FAT3: variants seen among roughly 807,000 people sequenced by gnomAD.
FAT3 encodes the protein FAT atypical cadherin 3.
A neutral mutation model predicts 310.2 loss-of-function variants in FAT3; 95 were observed. The observed-to-expected ratio is 0.31, with a 90% confidence interval of 0.26 to 0.36. The LOEUF (loss-of-function observed/expected upper bound fraction) is 0.36. Ranked by LOEUF, FAT3 falls within the 10% of genes least tolerant of loss-of-function variation. The pLI is 1.00. For synonymous variants in FAT3, 2,314 were observed against 2,192.9 expected, an observed-to-expected ratio of 1.06 and a Z score of -1.54; for missense variants, 5,408 against 5,715.6, an observed-to-expected ratio of 0.95 and a Z score of 1.74.
intron 2 of FAT3, among the ~76,000 whole-genome samples, chr11:92,357,482 C>A (rs941139661): frequency 1.3e-5 from 2 of 152,132 alleles, no homozygotes; most frequent in African/African-American, 4.8e-5. Context: ...ATCCTTGCAA[C>A]CCTGGACTTA....
At chr11:92,794,945 C>A (rs981343753) in intron 9 of FAT3, among the ~76,000 whole-genome samples, 2 of 152,172 alleles carry the variant, frequency 1.3e-5, no homozygotes, top group Non-Finnish European at 2.9e-5. Flanking sequence ...AAGCAAATGA[C>A]AAATGGCTGT....
intron 2 of FAT3, chr11:92,403,477 G>C (rs763135188): frequency 6.6e-6 from 1 of 152,204 alleles, no homozygotes; most frequent in East Asian, 1.9e-4. Flanking sequence ...GTGATTAAGT[G>C]CCAGGTGGAT....
chr11:92,376,329 C>T (rs1369576493), intron 2 of FAT3, among the ~76,000 whole-genome samples: 1 of 152,148 alleles, frequency 6.6e-6, no homozygotes, highest in Non-Finnish European at 1.5e-5. Flanking sequence ...AGTTTCTAGC[C>T]TTTTAGTAAA....
chr11:92,538,802 T>G (rs572059332), intron 3 of FAT3, among the ~76,000 whole-genome samples: 1 of 152,268 alleles, frequency 6.6e-6, no homozygotes, highest in East Asian at 1.9e-4. Flanking sequence ...TAAATAATAT[T>G]AAGGTTCTTA....
intron 2 of FAT3, among the ~76,000 whole-genome samples, chr11:92,420,468 T>G (rs1037358946): frequency 2.6e-5 from 4 of 152,138 alleles, no homozygotes; most frequent in Non-Finnish European, 5.9e-5. Context: ...CCCCTCTTCT[T>G]GTCTCCCACT....
chr11:92,288,252 A>G (rs945591679), intron 1 of FAT3, among the ~76,000 whole-genome samples: 2 of 152,178 alleles, frequency 1.3e-5, no homozygotes, highest in Non-Finnish European at 2.9e-5. Context: ...AGCCAAATTT[A>G]TACAATCAGT....
chr11:92,816,307 T>C (rs1202486002), intron 13 of FAT3, among the ~76,000 whole-genome samples: 1 of 152,216 alleles, frequency 6.6e-6, no homozygotes, highest in Non-Finnish European at 1.5e-5. Context: ...GTCTATCTAG[T>C]GACTCAGAAA....
At chr11:92,535,287 T>C (rs674371) in intron 3 of FAT3, among the ~76,000 whole-genome samples, 61,893 of 151,932 alleles carry the variant, frequency 0.41, 13,049 homozygotes, top group Middle Eastern at 0.53. Flanking sequence ...ATTCCAAGGA[T>C]TGCCAGAAGC....
intron 3 of FAT3, among the ~76,000 whole-genome samples, chr11:92,676,142 T>C (rs929584222): frequency 2.0e-5 from 3 of 152,142 alleles, no homozygotes; most frequent in Admixed American, 2.0e-4. Flanking sequence ...ACAATAATTG[T>C]TGTTACGTCT....
intron 4 of FAT3, among the ~76,000 whole-genome samples, chr11:92,725,770 C>T (rs1439224888): frequency 6.6e-6 from 1 of 152,128 alleles, no homozygotes; most frequent in Admixed American, 6.5e-5. Flanking sequence ...TTGAATTAGA[C>T]ATCCCTTTCT....
rs998330767 is a variant in FAT3, at chr11:92,256,181, G to A, written c.-18+31007G>A. ...CTTTTATTGTTTCTCTTTGATTTAGGATCTATCTTTTGGCACAGTAAATAG... is the reference window on the plus strand; with the variant it reads ...CTTTTATTGTTTCTCTTTGATTTAGAATCTATCTTTTGGCACAGTAAATAG... On this transcript the variant is annotated intron_variant, in intron 1 of 27. Coordinates refer to ENST00000525166, the MANE Select transcript of FAT3 (RefSeq NM_001367949.2). Among the ~76,000 whole-genome samples, 13 of 151,704 alleles carry A rather than the reference G, an allele frequency of 8.6e-5. 1 individual carries two copies. The highest frequency in any genetic ancestry group is 3.1e-4 in the African/African-American group (13 of 41,362).
At chr11:92,778,092 A>G (rs1262686310) in intron 7 of FAT3, among the ~76,000 whole-genome samples, 2 of 152,118 alleles carry the variant, frequency 1.3e-5, no homozygotes, top group Non-Finnish European at 1.5e-5. Flanking sequence ...AGTGCAAGAC[A>G]GTGCCTTAAG....
intron 1 of FAT3, among the ~76,000 whole-genome samples, chr11:92,308,421 A>G (rs544445749): frequency 3.7e-4 from 57 of 152,296 alleles, no homozygotes; most frequent in South Asian, 2.5e-3. Flanking sequence ...ATGTTGTTTT[A>G]TCTCTGGGCT....
In FAT3 at chr11:92,798,543, A is replaced by G. The variant is rs1947238611; in HGVS notation, c.5530A>G (p.Ile1844Val). ...RTIANLDHET[I>V]AHFHFHVHVR... ...AATTGCCAACCTGGACCATGAAACC[A>G]TTGCCCATTTCCATTTTCATGTGCA... Residue 1844 changes from isoleucine to valine, a missense_variant, in exon 10 of 28, where the codon ATT (isoleucine) becomes GTT (valine). By Grantham distance (29) the Ile-to-Val change is conservative. Transcript: ENST00000525166. 8.7e-6 allele frequency: 14 copies of G among 1,613,740 alleles called. No individual in the cohort carries two copies. Among genetic ancestry groups the G allele is most frequent in the Non-Finnish European group, 1.1e-5 (13 of 1,179,742 alleles).
intron 9 of FAT3, among the ~76,000 whole-genome samples, chr11:92,795,585 A>C (rs1332842801): frequency 6.6e-6 from 1 of 151,946 alleles, no homozygotes; most frequent in African/African-American, 2.4e-5. Context: ...TGTCACAAGC[A>C]GATCAGCGGC....
intron 14 of FAT3, 40 bp from the exon 15 acceptor site, chr11:92,834,830 T>C: frequency 6.7e-7 from 1 of 1,502,790 alleles, no homozygotes; most frequent in East Asian, 2.4e-5. Flanking sequence ...ACCAGTGTTT[T>C]TTCCTAATGA....
At chr11:92,545,356 T>C (rs3911565) in intron 3 of FAT3, among the ~76,000 whole-genome samples, 23,033 of 152,194 alleles carry the variant, frequency 0.15, 1,939 homozygotes, top group East Asian at 0.29. Flanking sequence ...TTGTTGATCT[T>C]TTATTTTTTC....
rs1413425475 is a variant in FAT3, at chr11:92,842,573, A to G, written c.10567-1361A>G. ...TCAAATAAAGCATGTGATGATGGCA[A>G]TAATAAAAATAACAACAGATGGACA... On this transcript the variant is annotated intron_variant, in intron 18 of 27. Coordinates refer to ENST00000525166, the MANE Select transcript of FAT3 (RefSeq NM_001367949.2). 2.0e-5 allele frequency among the ~76,000 whole-genome samples: 3 copies of G among 152,336 alleles called. No individual in the cohort carries two copies. In the East Asian group the frequency reaches 5.8e-4, roughly 29 times the overall value.
intron 2 of FAT3, among the ~76,000 whole-genome samples, chr11:92,434,235 C>T (rs1565313951): frequency 6.6e-6 from 1 of 152,104 alleles, no homozygotes; most frequent in African/African-American, 2.4e-5. Flanking sequence ...TCATGTTCCT[C>T]ATTGACAGTG....
Sources: allele counts gnomAD v4.1 joint callset (sites outside exome capture counted in the v4.1 genomes callset), GRCh38; gene constraint gnomAD v4.1.1; transcripts MANE v1.5; gene names NCBI Gene and HGNC (gene_info 2026-07-23, HGNC 2026-07-21).